The following ATAT1 variants were observed in gnomAD, a reference collection of about 807,000 sequenced individuals.
ATAT1 encodes alpha-tubulin N-acetyltransferase 1.
ATAT1 carries 42 observed loss-of-function variants against 57.2 expected under a neutral mutation model. That is an observed-to-expected ratio of 0.73 (90% CI 0.57 to 0.95). The LOEUF (loss-of-function observed/expected upper bound fraction) is 0.95. Ranked by LOEUF, ATAT1 falls within the 40% of genes least tolerant of loss-of-function variation. The pLI, the probability that ATAT1 is intolerant of heterozygous loss-of-function variation, is 0.00. For missense variants in ATAT1, 454 were observed against 523.7 expected (o/e 0.87, Z 1.30); for synonymous variants, 168 against 187.1 (o/e 0.90, Z 0.83).
intron 6 of ATAT1, among the ~76,000 whole-genome samples, chr6:30,637,557 C>T (rs982701393): frequency 2.6e-5 from 4 of 151,796 alleles, no homozygotes; most frequent in Non-Finnish European, 5.9e-5. Flanking sequence ...GTGGCATGTG[C>T]CTGTAATCCC....
Position 30,643,280 on chromosome 6 carries a change from G to A in ATAT1, c.932+269G>A, listed in dbSNP as rs3094103. 11,787 of 1,420,664 alleles carry A rather than the reference G, an allele frequency of 8.3e-3. 75 individuals are homozygous for A. The highest frequency in any genetic ancestry group is 0.023 in the African/African-American group (1,617 of 69,460). The allele number at this position is 1,420,664 out of a possible 1,614,324, so 88.0% of individuals were successfully genotyped here. ...GGTAGGAAGAACACCGAGATCCATC[G>A]AGTTGGGGGAACAGAGCCTTCTAAG... On this transcript the variant is annotated intron_variant, in intron 10 of 12. Coordinates refer to ENST00000330083, the MANE Select transcript of ATAT1 (RefSeq NM_001031722.4).
At chr6:30,641,948 T>A (rs1765538621) in intron 8 of ATAT1, 12 of 1,380,744 alleles carry the variant, frequency 8.7e-6, no homozygotes, top group Non-Finnish European at 1.0e-5. Flanking sequence ...TCTTTCTCCC[T>A]AGCTCTGTGT....
chr6:30,640,768 A>G (rs965306425), intron 8 of ATAT1, 165 bp downstream of exon 8: 2 of 719,090 alleles, frequency 2.8e-6, no homozygotes, highest in African/African-American at 3.6e-5. Context: ...AGCTCAGTGC[A>G]TTTTATATTT....
intron 6 of ATAT1, 30 bp downstream of exon 6, chr6:30,628,460 T>G (rs1344499105): frequency 6.6e-7 from 1 of 1,520,994 alleles, no homozygotes; most frequent in African/African-American, 1.4e-5. Context: ...AGATCCCCAC[T>G]GAGCATTCCC....
At chr6:30,631,149 C>T (rs1194069037) in intron 6 of ATAT1, among the ~76,000 whole-genome samples, 1 of 151,956 alleles carries the variant, frequency 6.6e-6, no homozygotes, top group Non-Finnish European at 1.5e-5. Flanking sequence ...AGGGGATCAT[C>T]ACTGAGAAAG....
At position 30,628,429 on chromosome 6, in the gene ATAT1, A is replaced by G; in HGVS notation, c.500A>G (p.Gln167Arg). ...TACAATCTGGAGACCACAGTCCCAC[A>G]GGTTAGAGGTTTCAGAGAATAGATC... Residue 167 changes from glutamine to arginine, a missense_variant and splice_region_variant, in exon 6 of 13, where the codon CAG becomes CGG. By Grantham distance (43) the Gln-to-Arg change is conservative (BLOSUM62 1). Transcript: ENST00000330083. 1 of 1,605,996 alleles carries G rather than the reference A, an allele frequency of 6.2e-7. No individual in the cohort carries two copies.
intron 6 of ATAT1, among the ~76,000 whole-genome samples, chr6:30,636,893 C>T (rs1210936516): frequency 6.6e-6 from 1 of 151,566 alleles, no homozygotes; most frequent in East Asian, 2.0e-4. Context: ...CTCACTGGAA[C>T]CTCTGCCTCC....
At chr6:30,628,689 C>T (rs1368945090) in intron 6 of ATAT1, among the ~76,000 whole-genome samples, 2 of 151,986 alleles carry the variant, frequency 1.3e-5, no homozygotes, top group African/African-American at 4.8e-5. Context: ...ACTGCAACCT[C>T]CACTTCCTGG....
intron 10 of ATAT1, chr6:30,644,531 G>A (rs981920917): frequency 1.0e-6 from 1 of 985,594 alleles, no homozygotes; most frequent in African/African-American, 1.7e-5. Flanking sequence ...GCCCCACTGT[G>A]TTTCCTGAAA....
chr6:30,632,472 T>C (rs1763115932), intron 6 of ATAT1, among the ~76,000 whole-genome samples: 1 of 151,414 alleles, frequency 6.6e-6, no homozygotes, highest in Non-Finnish European at 1.5e-5. Context: ...CTTGGGAGGC[T>C]GAGATAGAAG....
intron 6 of ATAT1, among the ~76,000 whole-genome samples, chr6:30,632,763 T>C (rs1223563127): frequency 6.6e-6 from 1 of 151,370 alleles, no homozygotes; most frequent in Admixed American, 6.6e-5. Context: ...TGAAACCCCA[T>C]CTCTACTAAA....
At chr6:30,641,320 A>C (rs1026012348) in intron 8 of ATAT1, among the ~76,000 whole-genome samples, 12 of 152,166 alleles carry the variant, frequency 7.9e-5, no homozygotes, top group African/African-American at 2.9e-4. Flanking sequence ...TATGAGCATC[A>C]CAGTGTCAGG....
intron 8 of ATAT1, 124 bp from the exon 9 acceptor site, chr6:30,642,052 A>C: frequency 1.3e-6 from 2 of 1,563,740 alleles, no homozygotes; most frequent in Non-Finnish European, 1.7e-6. Flanking sequence ...CTGCTCCTGC[A>C]AGTTCTCAGG....
chr6:30,646,621 G>C lies in ATAT1; in HGVS notation c.1208G>C (p.Arg403Pro). 1 of 1,569,206 alleles carries C rather than the reference G, an allele frequency of 6.4e-7. No individual in the cohort carries two copies. The highest frequency in any genetic ancestry group is 8.6e-7 in the Non-Finnish European group (1 of 1,157,150). ...AGGTTCATTCGAAACCTGCAGGAACGTCGCAGCACCAGGCCTTGGTGACCG... is the reference window on the plus strand; with the variant it reads ...AGGTTCATTCGAAACCTGCAGGAACCTCGCAGCACCAGGCCTTGGTGACCG... Residue 403 changes from arginine (R) to proline (P), a missense_variant, in exon 13 of 13, where the codon CGT becomes CCT. Arg to Pro is a moderately radical substitution (Grantham distance 103). Around this residue, in one of 3 missense-constraint regions of ATAT1, gnomAD observed 216 missense variants for 222.2 expected, o/e 0.97. Coordinates refer to ENST00000330083, the MANE Select transcript of ATAT1 (RefSeq NM_001031722.4).
intron 6 of ATAT1, among the ~76,000 whole-genome samples, chr6:30,631,710 T>C (rs1351445386): frequency 6.8e-6 from 1 of 146,896 alleles, no homozygotes; most frequent in Non-Finnish European, 1.5e-5. Context: ...GCCCAGGAGG[T>C]CGAAGCTGCA....
chr6:30,640,485 T>C, intron 7 of ATAT1, 50 bp from the exon 8 acceptor site: 1 of 1,612,490 alleles, frequency 6.2e-7, no homozygotes, highest in Non-Finnish European at 8.5e-7. Flanking sequence ...GCTGGACTCT[T>C]GGTCCTGCCG....
intron 8 of ATAT1, among the ~76,000 whole-genome samples, chr6:30,641,615 AT>A (rs2127543807): frequency 6.6e-6 from 1 of 152,154 alleles, no homozygotes; most frequent in Non-Finnish European, 1.5e-5. Flanking sequence ...GCTTACTCTG[AT>A]AGCTCCCTTT....
At chr6:30,640,496 A>G (rs1079687) in intron 7 of ATAT1, 39 bp from the exon 8 acceptor site, 78,300 of 1,610,976 alleles carry the variant, frequency 0.049, 3,429 homozygotes, top group African/African-American at 0.2. Flanking sequence ...GGTCCTGCCG[A>G]CCCCTCACTG....
At chr6:30,642,677 TTC>T (rs1375027390) in intron 9 of ATAT1, 89 bp from the exon 10 acceptor site, 8 of 866,126 alleles carry the variant, frequency 9.2e-6, no homozygotes, top group African/African-American at 1.7e-5. Flanking sequence ...AGACTCAGAT[TTC>T]TCTTTTTTTC....
Sources: allele counts gnomAD v4.1 joint callset (sites outside exome capture counted in the v4.1 genomes callset), GRCh38; gene constraint gnomAD v4.1.1; regional missense constraint gnomAD v4.1.1; transcripts MANE v1.5; gene names NCBI Gene and HGNC (gene_info 2026-07-23, HGNC 2026-07-21).